Variants in RGS2 observed in about 807,000 individuals in gnomAD.
RGS2 encodes the protein regulator of G protein signaling 2.
In RGS2, 20 loss-of-function variants were observed where a neutral mutation model predicts 26.6. The observed-to-expected ratio is 0.75, with a 90% confidence interval of 0.53 to 1.09. The LOEUF is 1.09. RGS2 is among the 50% of genes least tolerant of loss of function. The probability of loss-of-function intolerance (pLI) is 0.00; values close to 1 mark genes in which losing one functional copy is unlikely to be tolerated. For missense variants in RGS2, 246 were observed against 245.5 expected, an observed-to-expected ratio of 1.00 and a Z score of -0.01; for synonymous variants, 97 against 79.9, an observed-to-expected ratio of 1.21 and a Z score of -1.14.
At position 192,811,038 on chromosome 1, in the gene RGS2, A is replaced by T; in HGVS notation, c.332A>T (p.Glu111Val). ...LKSEFCEENI[E>V]FWLACEDFKK... ...TCGGAATTCTGTGAAGAAAATATTG[A>T]ATTCTGGCTGGCCTGTGAAGACTTC... The change falls in exon 4 of 5, where the codon GAA (glutamate) becomes GTA (valine). Residue 111 changes from glutamate to valine, a missense_variant. By Grantham distance (121) the Glu-to-Val change is moderately radical. Coordinates refer to ENST00000235382, the MANE Select transcript of RGS2 (RefSeq NM_002923.4). The T allele has an allele frequency of 6.2e-7, 1 of 1,614,114 alleles. No individual in the cohort carries two copies. Among genetic ancestry groups the T allele is most frequent in the Non-Finnish European group, 8.5e-7 (1 of 1,180,002 alleles).
In RGS2 at chr1:192,811,590, T is replaced by G; in HGVS notation, c.630T>G (p.Ala210=). The change falls in exon 5 of 5, where the codon GCT becomes GCG. Residue 210 remains alanine (A), a synonymous_variant. Coordinates refer to ENST00000235382, the MANE Select transcript of RGS2 (RefSeq NM_002923.4). ...KKPQITTEPH[A]T ...CACAAATCACCACAGAGCCTCATGC[T>G]ACATGAAATGTAAAAGGGAGCCCAG... 1 of 1,613,988 alleles carries G rather than the reference T, an allele frequency of 6.2e-7. No individual in the cohort carries two copies. Among genetic ancestry groups the G allele is most frequent in the South Asian group, 1.1e-5 (1 of 91,078 alleles).
rs1290636635 is a variant in RGS2 at position 192,811,813 on chromosome 1, A to G, written c.*217A>G. On this transcript the variant is annotated 3_prime_UTR_variant, in exon 5 of 5. Coordinates refer to ENST00000235382, the MANE Select transcript of RGS2 (RefSeq NM_002923.4). ...GCTTCCCTCACTGTGTACAGAACGCAAGAAGGGAATAGGTGGTCTGAACGT... is the reference window on the plus strand; with the variant it reads ...GCTTCCCTCACTGTGTACAGAACGCGAGAAGGGAATAGGTGGTCTGAACGT... 1.7e-6 allele frequency: 1 copy of G among 590,518 alleles called. No individual in the cohort carries two copies. Among genetic ancestry groups the G allele is most frequent in the African/African-American group, 1.9e-5 (1 of 53,728 alleles). 36.6% of individuals were successfully genotyped at this position (590,518 alleles called of 1,614,324 possible). A position where few individuals can be genotyped will look rare whatever the true frequency, so the allele number is the denominator to read the frequency against.
In RGS2 at chr1:192,811,651, A is replaced by C. The variant is rs1665594804; in HGVS notation, c.*55A>C. On this transcript the variant is annotated 3_prime_UTR_variant, in exon 5 of 5. Coordinates refer to ENST00000235382, the MANE Select transcript of RGS2 (RefSeq NM_002923.4). Reference sequence around the variant, plus strand: ...CATTTCATTCTTTTTCCTGAGGGGAAGGACTGTGACCTGCCATAAAGACTG... The same window carrying C: ...CATTTCATTCTTTTTCCTGAGGGGACGGACTGTGACCTGCCATAAAGACTG... The C allele has an allele frequency of 6.5e-7, 1 of 1,530,956 alleles. No homozygotes were observed. The highest frequency in any genetic ancestry group is 1.1e-5 in the South Asian group (1 of 89,196). The allele number at this position is 1,530,956 out of a possible 1,614,324, so 94.8% of individuals were successfully genotyped here.
rs200505450 is a variant in RGS2, at chr1:192,811,545, C to T, written c.585C>T (p.Tyr195=). ...SYPRFLESEF[Y]QDLCKKPQIT... Reference sequence around the variant, plus strand: ...CTCGTTTCTTGGAGTCAGAATTCTACCAGGACTTGTGTAAAAAGCCACAAA... The same window carrying T: ...CTCGTTTCTTGGAGTCAGAATTCTATCAGGACTTGTGTAAAAAGCCACAAA... Residue 195 remains tyrosine, a synonymous_variant, in exon 5 of 5, where the codon TAC becomes TAT. Transcript: ENST00000235382. 75 of 1,614,114 alleles carry T rather than the reference C, an allele frequency of 4.6e-5. 1 individual carries two copies. The East Asian group carries it at 1.4e-3, about 29-fold the overall frequency.
Position 192,811,665 on chromosome 1 carries a change from C to T in RGS2, c.*69C>T. On this transcript the variant is annotated 3_prime_UTR_variant, in exon 5 of 5. Transcript: ENST00000235382. ...TCCTGAGGGGAAGGACTGTGACCTG[C>T]CATAAAGACTGACCTTGAATTCAGC... is the stretch of plus-strand genomic sequence containing the variant. The T allele has an allele frequency of 7.1e-7, 1 of 1,414,032 alleles. No individual in the cohort carries two copies. Among genetic ancestry groups the T allele is most frequent in the Non-Finnish European group, 1.0e-6 (1 of 997,784 alleles). The allele number at this position is 1,414,032 out of a possible 1,614,324, so 87.6% of individuals were successfully genotyped here. A position where few individuals can be genotyped will look rare whatever the true frequency, so the allele number is the denominator to read the frequency against.
rs1665598568 is a variant in RGS2 at position 192,811,889 on chromosome 1, A to G, written c.*293A>G. 3 of 443,660 alleles carry G rather than the reference A, an allele frequency of 6.8e-6. No homozygotes were observed. The highest frequency in any genetic ancestry group is 1.3e-5 in the Non-Finnish European group (3 of 239,898). 27.5% of individuals were successfully genotyped at this position (443,660 alleles called of 1,614,324 possible). A position where few individuals can be genotyped will look rare whatever the true frequency, so the allele number is the denominator to read the frequency against. On this transcript the variant is annotated 3_prime_UTR_variant, in exon 5 of 5. Coordinates refer to ENST00000235382, the MANE Select transcript of RGS2 (RefSeq NM_002923.4). ...TGTAAGATGATGAAAGAGACAATGT[A>G]ATACTGTTGGTCCAAAAGCATTTAA...
rs1665600316 is a variant in RGS2 at position 192,812,018 on chromosome 1, CAG to C, written c.*423_*424del. The C allele has an allele frequency of 7.4e-6, 2 of 269,704 alleles. No homozygotes were observed. The highest frequency in any genetic ancestry group is 1.5e-5 in the Non-Finnish European group (2 of 135,506). The allele number at this position is 269,704 out of a possible 1,614,324, so 16.7% of individuals were successfully genotyped here. ...GTAGTTTTAGTTTAGGATTCAGTAA[CAG>C]TGAAGTGTTTACTATGTGCAACGGT... On this transcript the variant is annotated 3_prime_UTR_variant, in exon 5 of 5. Coordinates refer to ENST00000235382, the MANE Select transcript of RGS2 (RefSeq NM_002923.4).
chr1:192,809,216 CT>C, intron 1 of RGS2, 35 bp downstream of exon 1: 1 of 1,396,272 alleles, frequency 7.2e-7, no homozygotes, highest in Non-Finnish European at 1.0e-6. Flanking sequence ...CCGCCACCCC[CT>C]GCCCCACACT....
intron 1 of RGS2, 157 bp downstream of exon 1, chr1:192,809,338 C>T: frequency 1.5e-6 from 1 of 683,614 alleles, no homozygotes; most frequent in Non-Finnish European, 2.8e-6. Context: ...AAGGTTAAAT[C>T]TGGGTGATGC....
chr1:192,811,529 TG>T lies in RGS2; in HGVS notation c.571del (p.Glu191SerfsTer24). ...GAGAACAACTCTTATCCTCGTTTCT[TG>T]GAGTCAGAATTCTACCAGGACTTGT... is the stretch of plus-strand genomic sequence containing the variant. ...LMENNSYPRF[L>X]ESEFYQDLCK... On this transcript the variant is annotated frameshift_variant, in exon 5 of 5. Coordinates refer to ENST00000235382, the MANE Select transcript of RGS2 (RefSeq NM_002923.4). LOFTEE classifies it high-confidence loss of function. 6.2e-7 allele frequency: 1 copy of T among 1,614,154 alleles called. No homozygotes were observed. Among genetic ancestry groups the T allele is most frequent in the Non-Finnish European group, 8.5e-7 (1 of 1,180,006 alleles).
At chr1:192,810,598 A>G (rs1665576110) in intron 3 of RGS2, 167 bp downstream of exon 3, 1 of 707,020 alleles carries the variant, frequency 1.4e-6, no homozygotes, top group Non-Finnish European at 2.5e-6. Flanking sequence ...AAATAAATGC[A>G]TATATTCTCT....
Position 192,811,147 on chromosome 1 carries a change from G to A in RGS2, c.441G>A (p.Glu147=), listed in dbSNP as rs774373203. ...TCATAGAAAAGGAAGCTCCAAAAGA[G>A]GTAAGGAAACAAGTTCCTAATTTCA... ...TDFIEKEAPK[E]INIDFQTKTL... The change falls in exon 4 of 5, where the codon GAG becomes GAA. Residue 147 remains glutamate, a splice_region_variant and synonymous_variant. Coordinates refer to ENST00000235382, the MANE Select transcript of RGS2 (RefSeq NM_002923.4). The A allele has an allele frequency of 1.2e-6, 2 of 1,614,022 alleles. No homozygotes were observed. The highest frequency in any genetic ancestry group is 1.7e-6 in the Non-Finnish European group (2 of 1,179,942).
chr1:192,809,085 T>C lies in RGS2; in HGVS notation c.14T>C (p.Met5Thr), dbSNP rs1238408178. ...GGGAGAACGATAATGCAAAGTGCTA[T>C]GTTCTTGGCTGTTCAACACGACTGC... Reference protein sequence around the residue: MQSAMFLAVQHDCRP... With the variant: MQSATFLAVQHDCRP... Residue 5 changes from methionine to threonine, a missense_variant, in exon 1 of 5, where the codon ATG becomes ACG. Physicochemically the swap from Met to Thr is moderately conservative, Grantham distance 81 (BLOSUM62 -1). Coordinates refer to ENST00000235382, the MANE Select transcript of RGS2 (RefSeq NM_002923.4). 3 of 1,613,212 alleles carry C rather than the reference T, an allele frequency of 1.9e-6. No homozygotes were observed. The highest frequency in any genetic ancestry group is 8.5e-7 in the Non-Finnish European group (1 of 1,179,172).
intron 1 of RGS2, among the ~76,000 whole-genome samples, chr1:192,809,746 T>G (rs1206639050): frequency 2.6e-5 from 4 of 151,960 alleles, no homozygotes; most frequent in Non-Finnish European, 5.9e-5. Flanking sequence ...AACCTCCTGC[T>G]CTAAAGAGAG....
In RGS2 at chr1:192,810,430, A is replaced by G. The variant is rs1665572611; in HGVS notation, c.273A>G (p.Lys91=). 2 of 1,613,944 alleles carry G rather than the reference A, an allele frequency of 1.2e-6. No individual in the cohort carries two copies. The highest frequency in any genetic ancestry group is 4.5e-5 in the East Asian group (2 of 44,888). ...CATTTGACGAGCTGCTAGCCAGCAA[A>G]TGTAAGTTAACTCTTGAGCTTGAGC... is the stretch of plus-strand genomic sequence containing the variant. The part of the protein sequence containing the change: ...SEAFDELLAS[K]YGLAAFRAFL... The change falls in exon 3 of 5, where the codon AAA becomes AAG. Residue 91 remains lysine, a splice_region_variant and synonymous_variant. Transcript: ENST00000235382.
intron 3 of RGS2, 102 bp from the exon 4 acceptor site, chr1:192,810,879 C>A: frequency 7.7e-7 from 1 of 1,307,122 alleles, no homozygotes; most frequent in East Asian, 2.3e-5. Flanking sequence ...CTAGAAAATT[C>A]ATTTAGAAAT....
chr1:192,810,175 T>C lies in RGS2; in HGVS notation c.120T>C (p.Asp40=). The change falls in exon 2 of 5, where the codon GAT becomes GAC. Residue 40 remains aspartate, a synonymous_variant. Coordinates refer to ENST00000235382, the MANE Select transcript of RGS2 (RefSeq NM_002923.4). The stretch of plus-strand genomic sequence containing the variant: ...TAATTTTTTGTTTTAGTTTAAAAGA[T>C]TGGAAGACCCGTTTGAGCTACTTCT... ...REKMKRTLLK[D]WKTRLSYFLQ... 6.2e-7 allele frequency: 1 copy of C among 1,606,778 alleles called. No homozygotes were observed. The highest frequency in any genetic ancestry group is 8.5e-7 in the Non-Finnish European group (1 of 1,173,322).
chr1:192,811,530 G>A lies in RGS2; in HGVS notation c.570G>A (p.Leu190=). 6.2e-7 allele frequency: 1 copy of A among 1,614,110 alleles called. No individual in the cohort carries two copies. The highest frequency in any genetic ancestry group is 8.5e-7 in the Non-Finnish European group (1 of 1,179,992). ...AGAACAACTCTTATCCTCGTTTCTT[G>A]GAGTCAGAATTCTACCAGGACTTGT... ...LMENNSYPRF[L]ESEFYQDLCK... is the part of the protein sequence containing the mutation. Residue 190 remains leucine, a synonymous_variant, in exon 5 of 5, where the codon TTG becomes TTA. Transcript: ENST00000235382.
At position 192,810,981 on chromosome 1, in the gene RGS2, A is replaced by G; in HGVS notation, c.275A>G (p.Tyr92Cys). ...EAFDELLASKYGLAAFRAFLK... is the reference protein window; with the variant it reads ...EAFDELLASKCGLAAFRAFLK... ...ATGCTCTCTTTTCTCCCCCCTTCAGATGGTCTTGCTGCATTCAGGGCTTTT... is the reference window on the plus strand; with the variant it reads ...ATGCTCTCTTTTCTCCCCCCTTCAGGTGGTCTTGCTGCATTCAGGGCTTTT... Residue 92 changes from tyrosine (Y) to cysteine (C), a missense_variant and splice_region_variant, in exon 4 of 5, where the codon TAT becomes TGT. By Grantham distance (194) the Tyr-to-Cys change is radical. Transcript: ENST00000235382. 1 of 1,613,964 alleles carries G rather than the reference A, an allele frequency of 6.2e-7. No homozygotes were observed. The highest frequency in any genetic ancestry group is 8.5e-7 in the Non-Finnish European group (1 of 1,179,854).
Sources: gnomAD v4.1 joint callset for allele counts (sites outside exome capture counted in the v4.1 genomes callset) on GRCh38, gnomAD v4.1.1 for gene constraint, MANE v1.5 for transcripts, NCBI Gene and HGNC (gene_info 2026-07-23, HGNC 2026-07-21) for gene names.